PTPRM: variants seen among roughly 807,000 people sequenced by gnomAD.
PTPRM encodes receptor-type tyrosine-protein phosphatase mu.
A neutral mutation model predicts 186.7 loss-of-function variants in PTPRM; 47 were observed. The ratio of observed to expected loss-of-function variants is 0.25; its 90% CI spans 0.20 to 0.32. The LOEUF (loss-of-function observed/expected upper bound fraction) is 0.32. Among genes scored for constraint, PTPRM ranks in the 10% least tolerant of loss-of-function variants. The probability of loss-of-function intolerance (pLI) is 1.00; values close to 1 mark genes in which losing one functional copy is unlikely to be tolerated. For missense variants in PTPRM, 1,494 were observed against 1,865.0 expected, an observed-to-expected ratio of 0.80 and a Z score of 3.66; for synonymous variants, 668 against 674.9, an observed-to-expected ratio of 0.99 and a Z score of 0.16.
intron 2 of PTPRM, among the ~76,000 whole-genome samples, chr18:7,876,745 A>C (rs961736478): frequency 2.0e-5 from 3 of 152,214 alleles, no homozygotes; most frequent in African/African-American, 7.2e-5. Context: ...TTTATGAATA[A>C]AATTAGATAT....
At chr18:7,587,148 G>T (rs2036999493) in intron 1 of PTPRM, among the ~76,000 whole-genome samples, 1 of 151,984 alleles carries the variant, frequency 6.6e-6, no homozygotes, top group African/African-American at 2.4e-5. Flanking sequence ...TTATGTAGTT[G>T]AATTATCACT....
At chr18:7,726,084 T>C (rs988675914) in intron 1 of PTPRM, among the ~76,000 whole-genome samples, 1 of 152,130 alleles carries the variant, frequency 6.6e-6, no homozygotes, top group Non-Finnish European at 1.5e-5. Flanking sequence ...CCTGTTCACA[T>C]GCACTCCCCC....
intron 1 of PTPRM, among the ~76,000 whole-genome samples, chr18:7,727,986 G>T (rs1447980817): frequency 6.6e-6 from 1 of 152,144 alleles, no homozygotes; most frequent in Non-Finnish European, 1.5e-5. Context: ...TTTGCTCAAG[G>T]TCACAGAATC....
chr18:8,141,310 C>T (rs1173040334), intron 13 of PTPRM, among the ~76,000 whole-genome samples: 1 of 152,222 alleles, frequency 6.6e-6, no homozygotes, highest in East Asian at 1.9e-4. Context: ...TTTTCTGAGT[C>T]ACTGTCCCAT....
At chr18:7,654,067 G>A (rs1227086339) in intron 1 of PTPRM, among the ~76,000 whole-genome samples, 3 of 151,982 alleles carry the variant, frequency 2.0e-5, no homozygotes, top group Admixed American at 6.6e-5. Context: ...TCTAATGATC[G>A]GTGATGTTGA....
chr18:8,102,871 T>TAA (rs879621457), intron 11 of PTPRM, among the ~76,000 whole-genome samples: 1 of 152,182 alleles, frequency 6.6e-6, no homozygotes, highest in African/African-American at 2.4e-5. Context: ...CCGTGTATAA[T>TAA]AAGACATGAA....
At chr18:7,766,759 C>A (rs1357679077) in intron 1 of PTPRM, among the ~76,000 whole-genome samples, 3 of 152,230 alleles carry the variant, frequency 2.0e-5, no homozygotes, top group African/African-American at 7.2e-5. Flanking sequence ...CTTATACCTT[C>A]TTGCCCACTA....
At chr18:8,003,355 C>T (rs2083985053) in intron 7 of PTPRM, among the ~76,000 whole-genome samples, 1 of 152,208 alleles carries the variant, frequency 6.6e-6, no homozygotes, top group Non-Finnish European at 1.5e-5. Context: ...GTGGAACTGT[C>T]AGTGCATTAA....
intron 14 of PTPRM, among the ~76,000 whole-genome samples, chr18:8,227,331 C>T (rs2094226130): frequency 6.6e-6 from 1 of 152,176 alleles, no homozygotes; most frequent in Non-Finnish European, 1.5e-5. Context: ...TTAGTTACTG[C>T]TTTCCATGCC....
chr18:8,190,961 A>G (rs1351675896), intron 14 of PTPRM, among the ~76,000 whole-genome samples: 3 of 152,210 alleles, frequency 2.0e-5, no homozygotes, highest in Non-Finnish European at 2.9e-5. Flanking sequence ...TTGCATAGGA[A>G]AGATTAATTA....
chr18:7,838,309 T>A (rs749562527), intron 2 of PTPRM, among the ~76,000 whole-genome samples: 18 of 152,270 alleles, frequency 1.2e-4, no homozygotes, highest in Admixed American at 3.9e-4. Context: ...ATGGGGTAAC[T>A]GTCCTGTTTT....
chr18:8,328,111 C>T (rs549249788), intron 22 of PTPRM, among the ~76,000 whole-genome samples: 2 of 152,286 alleles, frequency 1.3e-5, no homozygotes, highest in East Asian at 3.9e-4. Flanking sequence ...ATTCCACATA[C>T]TTCTGGTATA....
intron 1 of PTPRM, among the ~76,000 whole-genome samples, chr18:7,732,422 G>A (rs767631188): frequency 1.3e-5 from 2 of 152,120 alleles, no homozygotes; most frequent in Non-Finnish European, 2.9e-5. Flanking sequence ...TGTATTCTGG[G>A]TAGCCAGGAG....
At position 7,744,440 on chromosome 18, in the gene PTPRM, C is replaced by G. The variant is rs550634408; in HGVS notation, c.74-29709C>G. On this transcript the variant is annotated intron_variant, in intron 1 of 32. Coordinates refer to ENST00000580170, the MANE Select transcript of PTPRM (RefSeq NM_001105244.2). ...AATTATCAACTATATTTGAGAAGGTCTTATATAAAAGTAAAATACTGCAAC... is the reference window on the plus strand; with the variant it reads ...AATTATCAACTATATTTGAGAAGGTGTTATATAAAAGTAAAATACTGCAAC... Among the ~76,000 whole-genome samples the G allele has an allele frequency of 2.7e-4, 41 of 152,190 alleles. No homozygotes were observed. The South Asian group carries it at 8.3e-3, about 31-fold the overall frequency.
chr18:7,760,908 A>C (rs1465139951), intron 1 of PTPRM, among the ~76,000 whole-genome samples: 1 of 152,164 alleles, frequency 6.6e-6, no homozygotes, highest in African/African-American at 2.4e-5. Flanking sequence ...CCAAAGCCAC[A>C]CACAGGCAAG....
At chr18:8,309,004 G>A (rs1462530631) in intron 20 of PTPRM, among the ~76,000 whole-genome samples, 1 of 152,124 alleles carries the variant, frequency 6.6e-6, no homozygotes, top group Non-Finnish European at 1.5e-5. Flanking sequence ...TGTATGATTT[G>A]TTCAAGTTGT....
intron 23 of PTPRM, among the ~76,000 whole-genome samples, chr18:8,361,419 C>T (rs1031495263): frequency 2.6e-5 from 4 of 152,186 alleles, no homozygotes; most frequent in Non-Finnish European, 5.9e-5. Context: ...AGTTACTGGA[C>T]ATTTCTTATG....
intron 7 of PTPRM, among the ~76,000 whole-genome samples, chr18:7,962,361 G>A (rs2053739600): frequency 6.6e-6 from 1 of 152,088 alleles, no homozygotes; most frequent in African/African-American, 2.4e-5. Context: ...CCGACTGTGG[G>A]AATTTTGTAC....
At chr18:8,305,973 C>G (rs964713271) in intron 20 of PTPRM, among the ~76,000 whole-genome samples, 2 of 151,804 alleles carry the variant, frequency 1.3e-5, no homozygotes, top group Non-Finnish European at 2.9e-5. Context: ...TCTCAGCTCA[C>G]TGCGGCCTCT....
Sources: allele counts gnomAD v4.1 joint callset (sites outside exome capture counted in the v4.1 genomes callset), GRCh38; gene constraint gnomAD v4.1.1; transcripts MANE v1.5; gene names NCBI Gene and HGNC (gene_info 2026-07-23, HGNC 2026-07-21).